Variants in GRIP1 observed in about 807,000 individuals in gnomAD.
GRIP1 encodes the protein glutamate receptor interacting protein 1.
In GRIP1, 45 loss-of-function variants were observed where a neutral mutation model predicts 129.9. That is an observed-to-expected ratio of 0.35 (90% CI 0.27 to 0.44). The LOEUF (loss-of-function observed/expected upper bound fraction) is 0.44, where lower values mean the gene tolerates loss of function less well. Ranked by LOEUF, GRIP1 falls within the 20% of genes least tolerant of loss-of-function variation. GRIP1 has a pLI of 1.00. For missense variants in GRIP1, 1,196 were observed against 1,396.8 expected (o/e 0.86, Z 2.29); for synonymous variants, 530 against 520.8 (o/e 1.02, Z -0.24).
intron 7 of GRIP1, among the ~76,000 whole-genome samples, chr12:66,502,875 C>T (rs1343723567): frequency 6.6e-6 from 1 of 152,172 alleles, no homozygotes; most frequent in Non-Finnish European, 1.5e-5. Flanking sequence ...ATAATCTACA[C>T]TAAAATCAGA....
chr12:66,405,416 A>G (rs570805286), intron 16 of GRIP1, among the ~76,000 whole-genome samples: 115 of 152,334 alleles, frequency 7.5e-4, no homozygotes, highest in South Asian at 1.7e-3. Flanking sequence ...TTGGCTCTAT[A>G]TTCTTATCAT....
intron 7 of GRIP1, among the ~76,000 whole-genome samples, chr12:66,490,792 T>C (rs2060085055): frequency 6.6e-6 from 1 of 151,732 alleles, no homozygotes; most frequent in African/African-American, 2.4e-5. Flanking sequence ...CATTAAAAAG[T>C]GGGCAAAGGA....
intron 1 of GRIP1, among the ~76,000 whole-genome samples, chr12:66,845,829 T>C (rs1404223408): frequency 6.6e-6 from 1 of 152,170 alleles, no homozygotes; most frequent in Non-Finnish European, 1.5e-5. Flanking sequence ...ATTCTCTTAA[T>C]GAAGTGCACA....
chr12:66,973,658 A>G (rs1287723971), intron 1 of GRIP1, among the ~76,000 whole-genome samples: 1 of 152,014 alleles, frequency 6.6e-6, no homozygotes, highest in Non-Finnish European at 1.5e-5. Flanking sequence ...GTTACCTCAA[A>G]TGGTAATTCA....
intron 11 of GRIP1, among the ~76,000 whole-genome samples, chr12:66,451,386 T>TG (rs1565751952): frequency 3.0e-4 from 9 of 29,680 alleles, no homozygotes; most frequent in Non-Finnish European, 6.3e-4. Flanking sequence ...ATAATCTGTT[T>TG]TTTTTTTTTT....
chr12:66,530,922 T>C (rs1202799774), intron 4 of GRIP1, among the ~76,000 whole-genome samples: 1 of 151,822 alleles, frequency 6.6e-6, no homozygotes, highest in Non-Finnish European at 1.5e-5. Context: ...AAGGGTTTAT[T>C]AGATAAAACT....
intron 1 of GRIP1, among the ~76,000 whole-genome samples, chr12:66,625,488 C>T (rs191901209): frequency 3.3e-5 from 5 of 152,240 alleles, no homozygotes; most frequent in African/African-American, 9.6e-5. Context: ...AAAATTTACA[C>T]ATTTATATTG....
chr12:66,691,304 T>C (rs1485731427), intron 1 of GRIP1, among the ~76,000 whole-genome samples: 2 of 152,176 alleles, frequency 1.3e-5, no homozygotes, highest in African/African-American at 4.8e-5. Flanking sequence ...ATTAGAAACA[T>C]TGGGTTTGTT....
At chr12:66,578,071 A>G (rs1014682461) in intron 2 of GRIP1, among the ~76,000 whole-genome samples, 3 of 152,188 alleles carry the variant, frequency 2.0e-5, no homozygotes, top group African/African-American at 7.2e-5. Context: ...AACTTGAAAC[A>G]GGATGAGTGA....
intron 1 of GRIP1, among the ~76,000 whole-genome samples, chr12:66,964,555 T>C (rs1262702332): frequency 5.3e-5 from 8 of 152,108 alleles, no homozygotes; most frequent in African/African-American, 1.9e-4. Flanking sequence ...TAAAGTTCTC[T>C]TCCCACTGGC....
chr12:66,539,928 A>G (rs2061724722), intron 3 of GRIP1, among the ~76,000 whole-genome samples: 1 of 152,202 alleles, frequency 6.6e-6, no homozygotes, highest in South Asian at 2.1e-4. Context: ...GACCAATAAT[A>G]AGAGTTAAAA....
chr12:66,700,410 G>A (rs2136349889), intron 1 of GRIP1, among the ~76,000 whole-genome samples: 1 of 152,008 alleles, frequency 6.6e-6, no homozygotes. Context: ...CACAGGTGAT[G>A]GGAACCAGTG....
chr12:66,367,685 A>G (rs1335893866), intron 23 of GRIP1, among the ~76,000 whole-genome samples: 1 of 152,224 alleles, frequency 6.6e-6, no homozygotes, highest in Non-Finnish European at 1.5e-5. Flanking sequence ...TGTGCAGTCA[A>G]TTTTTAGTTT....
chr12:66,995,740 A>G (rs546552126), intron 1 of GRIP1, among the ~76,000 whole-genome samples: 13 of 152,330 alleles, frequency 8.5e-5, no homozygotes, highest in African/African-American at 3.1e-4. Context: ...ATAAAGTGGT[A>G]CAACTGCTTT....
intron 1 of GRIP1, among the ~76,000 whole-genome samples, chr12:66,848,772 A>G (rs879500631): frequency 2.6e-5 from 4 of 152,168 alleles, no homozygotes; most frequent in Non-Finnish European, 4.4e-5. Flanking sequence ...AAATGAAAAA[A>G]TAAGAAAACT....
chr12:66,450,303 CAAAAAAA>C (rs143013040), intron 11 of GRIP1, among the ~76,000 whole-genome samples: 3 of 26,802 alleles, frequency 1.1e-4, no homozygotes, highest in East Asian at 1.4e-3. Context: ...GACTCCATCT[CAAAAAAA>C]AAAAAAAAAA....
chr12:66,997,980 T>G (rs1029743899), intron 1 of GRIP1, among the ~76,000 whole-genome samples: 1 of 152,102 alleles, frequency 6.6e-6, no homozygotes, highest in Non-Finnish European at 1.5e-5. Context: ...AAAAGCAATA[T>G]CCATAATTTG....
intron 1 of GRIP1, among the ~76,000 whole-genome samples, chr12:67,055,844 G>A (rs1182355738): frequency 1.3e-5 from 2 of 152,202 alleles, no homozygotes; most frequent in Non-Finnish European, 2.9e-5. Context: ...TCTGGGGTGT[G>A]TCTACAGAAG....
chr12:66,603,605 C>T (rs1330396212), intron 1 of GRIP1, among the ~76,000 whole-genome samples: 1 of 152,230 alleles, frequency 6.6e-6, no homozygotes, highest in African/African-American at 2.4e-5. Flanking sequence ...AGTGAGGATA[C>T]ACCTGTTCCA....
Sources: gnomAD v4.1 joint callset for allele counts (sites outside exome capture counted in the v4.1 genomes callset) on GRCh38, gnomAD v4.1.1 for gene constraint, MANE v1.5 for transcripts, NCBI Gene and HGNC (gene_info 2026-07-23, HGNC 2026-07-21) for gene names.